The following CADPS2 variants were observed in gnomAD, a reference collection of about 807,000 sequenced individuals.
CADPS2 encodes the protein calcium-dependent secretion activator 2.
A neutral mutation model predicts 172.5 loss-of-function variants in CADPS2; 93 were observed. The observed-to-expected ratio is 0.54, with a 90% CI of 0.46 to 0.64. The LOEUF is 0.64. Ranked by LOEUF, CADPS2 falls within the 30% of genes least tolerant of loss-of-function variation. CADPS2 has a pLI of 0.00. For missense variants in CADPS2, 1,420 were observed against 1,565.9 expected (o/e 0.91, Z 1.57); for synonymous variants, 546 against 555.2 (o/e 0.98, Z 0.23).
chr7:122,691,533 A>G (rs532107270), intron 2 of CADPS2, among the ~76,000 whole-genome samples: 1 of 152,316 alleles, frequency 6.6e-6, no homozygotes, highest in Admixed American at 6.5e-5. Flanking sequence ...ATGCAACCCC[A>G]GGCAAGGTGG....
At chr7:122,640,411 TTATC>T (rs1470383962) in intron 3 of CADPS2, among the ~76,000 whole-genome samples, 2 of 151,656 alleles carry the variant, frequency 1.3e-5, no homozygotes, top group Non-Finnish European at 2.9e-5. Context: ...GTGAAAATAA[TTATC>T]TTTCTTTACT....
At chr7:122,424,335 T>A in intron 17 of CADPS2, 1 of 984,936 alleles carries the variant, frequency 1.0e-6, no homozygotes, top group Non-Finnish European at 1.2e-6. Flanking sequence ...ACCTAGATTA[T>A]CTTTCGCATC....
Position 122,554,705 on chromosome 7 carries a change from A to C in CADPS2, c.1336-16T>G, listed in dbSNP as rs2064799026. 1 of 1,580,206 alleles carries C rather than the reference A, an allele frequency of 6.3e-7. No individual in the cohort carries two copies. The highest frequency in any genetic ancestry group is 1.4e-5 in the African/African-American group (1 of 73,290). Reference sequence around the variant, plus strand: ...ATAATATCACCTGTATGGAAAAAAAAACCCACATTTAAACGCATGATACGG... The same window carrying C: ...ATAATATCACCTGTATGGAAAAAAACACCCACATTTAAACGCATGATACGG... On this transcript the variant is annotated splice_polypyrimidine_tract_variant and intron_variant, in intron 7 of 29. Transcript: ENST00000449022.
intron 1 of CADPS2, among the ~76,000 whole-genome samples, chr7:122,781,450 T>C (rs1416529043): frequency 3.3e-5 from 5 of 152,184 alleles, no homozygotes; most frequent in Admixed American, 3.3e-4. Context: ...GATTCTGTCT[T>C]ATTTTTAATT....
chr7:122,676,620 G>A, intron 2 of CADPS2: 1 of 1,325,664 alleles, frequency 7.5e-7, no homozygotes, highest in Non-Finnish European at 1.1e-6. Flanking sequence ...TGCTTCCCAT[G>A]ATGACTGATC....
At chr7:122,697,296 G>GA (rs563461317) in intron 2 of CADPS2, among the ~76,000 whole-genome samples, 86 of 151,960 alleles carry the variant, frequency 5.7e-4, no homozygotes, top group African/African-American at 1.9e-3. Flanking sequence ...GAATGCAAAA[G>GA]AAAAAAACAG....
At chr7:122,775,512 C>A (rs556190034) in intron 1 of CADPS2, among the ~76,000 whole-genome samples, 3 of 152,222 alleles carry the variant, frequency 2.0e-5, no homozygotes, top group Non-Finnish European at 4.4e-5. Flanking sequence ...ACTAGCAAAT[C>A]TACCCAAACT....
In CADPS2 at chr7:122,451,355, T is replaced by C; in HGVS notation, c.2288+19A>G. ...TAAAGTATGAAAAGAAATATTTATA[T>C]TAATAAAAAAATATATACCTGAAAT... On this transcript the variant is annotated intron_variant, in intron 15 of 29. Transcript: ENST00000449022. 8.0e-7 allele frequency: 1 copy of C among 1,257,366 alleles called. No individual in the cohort carries two copies. The allele number at this position is 1,257,366 out of a possible 1,614,324, so 77.9% of individuals were successfully genotyped here.
intron 1 of CADPS2, among the ~76,000 whole-genome samples, chr7:122,742,958 CAATT>C (rs1206613633): frequency 2.0e-5 from 3 of 152,014 alleles, no homozygotes; most frequent in African/African-American, 7.2e-5. Context: ...TTAACATAAT[CAATT>C]AATATTATTT....
intron 9 of CADPS2, among the ~76,000 whole-genome samples, chr7:122,494,298 C>G (rs574600340): frequency 6.6e-6 from 1 of 152,080 alleles, no homozygotes; most frequent in Non-Finnish European, 1.5e-5. Context: ...TAGCAAGGAA[C>G]GTATCTCAAG....
intron 20 of CADPS2, among the ~76,000 whole-genome samples, chr7:122,398,945 C>G (rs2045539137): frequency 6.6e-6 from 1 of 152,078 alleles, no homozygotes; most frequent in African/African-American, 2.4e-5. Context: ...GACTAGGAAA[C>G]ACACTGGATT....
chr7:122,325,039 G>A (rs1021186888), intron 29 of CADPS2, among the ~76,000 whole-genome samples: 1 of 152,000 alleles, frequency 6.6e-6, no homozygotes, highest in Non-Finnish European at 1.5e-5. Flanking sequence ...CAATGACAAT[G>A]TATTACTTTC....
Position 122,886,180 on chromosome 7 carries a change from G to GCGCCGC in CADPS2, c.152_157dup (p.Gly51_Gly52dup). Reference sequence around the variant, plus strand: ...GGGGCTCGGGCTCACAGATCTGGCCGCGCCGCCGCCGCCCGCGCGCCCCGG... The same window carrying GCGCCGC: ...GGGGCTCGGGCTCACAGATCTGGCCGCGCCGCCGCCGCCGCCGCCCGCGCGCCCCGG... On this transcript the variant is annotated inframe_insertion, in exon 1 of 30. Coordinates refer to ENST00000449022, the MANE Select transcript of CADPS2 (RefSeq NM_017954.11). 1 of 1,477,952 alleles carries GCGCCGC rather than the reference G, an allele frequency of 6.8e-7. No individual in the cohort carries two copies. Among genetic ancestry groups the GCGCCGC allele is most frequent in the Middle Eastern group, 2.4e-4 (1 of 4,134 alleles). The allele number at this position is 1,477,952 out of a possible 1,614,324, so 91.6% of individuals were successfully genotyped here.
chr7:122,428,765 G>A (rs1409520392), intron 17 of CADPS2, among the ~76,000 whole-genome samples: 2 of 151,996 alleles, frequency 1.3e-5, no homozygotes, highest in African/African-American at 2.4e-5. Context: ...CACTGTACCC[G>A]GCAGAGTATA....
chr7:122,638,440 A>G (rs960038430), intron 3 of CADPS2, among the ~76,000 whole-genome samples: 2 of 152,020 alleles, frequency 1.3e-5, no homozygotes, highest in African/African-American at 2.4e-5. Flanking sequence ...TTCCTGGGGG[A>G]ACACAAAGCT....
At position 122,319,970 on chromosome 7, in the gene CADPS2, CA is replaced by C. The variant is rs869144999; in HGVS notation, c.*194del. On this transcript the variant is annotated 3_prime_UTR_variant, in exon 30 of 30. Coordinates refer to ENST00000449022, the MANE Select transcript of CADPS2 (RefSeq NM_017954.11). ...CCAAAAAAACAAACAAACAAACAAA[CA>C]AAAAAAGGAAACAAAAAAACCCCAA... 6 of 431,054 alleles carry C rather than the reference CA, an allele frequency of 1.4e-5. No homozygotes were observed. The highest frequency in any genetic ancestry group is 4.7e-5 in the Admixed American group (1 of 21,200). The allele number at this position is 431,054 out of a possible 1,614,324, so 26.7% of individuals were successfully genotyped here.
At chr7:122,778,186 G>A (rs762778657) in intron 1 of CADPS2, among the ~76,000 whole-genome samples, 1 of 152,108 alleles carries the variant, frequency 6.6e-6, no homozygotes, top group Non-Finnish European at 1.5e-5. Flanking sequence ...TTGGAAGCTG[G>A]AGTAAAGGTC....
rs1020971998 is a variant in CADPS2 at position 122,431,575 on chromosome 7, G to C, written c.2476+6766C>G. Among the ~76,000 whole-genome samples the C allele has an allele frequency of 5.9e-5, 9 of 152,222 alleles. No individual in the cohort carries two copies. The South Asian group carries it at 1.9e-3, about 32-fold the overall frequency. On this transcript the variant is annotated intron_variant, in intron 17 of 29. Transcript: ENST00000449022. ...GTCAAGGGCGGGGAGTGTAAGAAGAGATCAACAGACAGACAGTGGGCTCTG... is the reference window on the plus strand; with the variant it reads ...GTCAAGGGCGGGGAGTGTAAGAAGACATCAACAGACAGACAGTGGGCTCTG...
chr7:122,588,218 A>G (rs889991208), intron 6 of CADPS2, among the ~76,000 whole-genome samples: 4 of 152,116 alleles, frequency 2.6e-5, no homozygotes, highest in Admixed American at 6.6e-5. Flanking sequence ...TAGTTTAATT[A>G]GATGCCATTT....
Sources: gnomAD v4.1 joint callset for allele counts (sites outside exome capture counted in the v4.1 genomes callset) on GRCh38, gnomAD v4.1.1 for gene constraint, MANE v1.5 for transcripts, NCBI Gene and HGNC (gene_info 2026-07-23, HGNC 2026-07-21) for gene names.